Variants in RIN2 observed in about 807,000 individuals in gnomAD.
RIN2 encodes the protein RAB5 interacting protein 2.
In RIN2, 36 loss-of-function variants were observed where a neutral mutation model predicts 78.0. The ratio of observed to expected loss-of-function variants is 0.46; its 90% CI spans 0.35 to 0.61. The LOEUF is 0.61. Ranked by LOEUF, RIN2 falls within the 20% of genes least tolerant of loss-of-function variation. The pLI is 0.00. For missense variants in RIN2, 1,087 were observed against 1,159.7 expected (o/e 0.94, Z 0.91); for synonymous variants, 466 against 466.8 (o/e 1.00, Z 0.02).
chr20:19,930,645 G>T (rs2040405760), intron 3 of RIN2, among the ~76,000 whole-genome samples: 1 of 152,148 alleles, frequency 6.6e-6, no homozygotes, highest in African/African-American at 2.4e-5. Context: ...TCCCTCACAA[G>T]GCCTTCTGCT....
At chr20:19,910,320 G>A (rs2123717388) in intron 3 of RIN2, among the ~76,000 whole-genome samples, 1 of 151,770 alleles carries the variant, frequency 6.6e-6, no homozygotes, top group Admixed American at 6.6e-5. Context: ...CTACAGGCAT[G>A]CGCCACCATG....
intron 11 of RIN2, among the ~76,000 whole-genome samples, chr20:19,995,377 A>G (rs925536748): frequency 6.6e-6 from 1 of 152,116 alleles, no homozygotes; most frequent in Non-Finnish European, 1.5e-5. Flanking sequence ...TAGAGATTCA[A>G]TGAGTATTTT....
chr20:19,882,156 C>G (rs949767292), intron 2 of RIN2, among the ~76,000 whole-genome samples: 1 of 152,186 alleles, frequency 6.6e-6, no homozygotes, highest in Non-Finnish European at 1.5e-5. Flanking sequence ...CCCAGTCACA[C>G]TTGTTATGAT....
At chr20:19,915,694 G>C (rs981669964) in intron 3 of RIN2, among the ~76,000 whole-genome samples, 1 of 152,136 alleles carries the variant, frequency 6.6e-6, no homozygotes, top group Non-Finnish European at 1.5e-5. Context: ...ATCTTCACAA[G>C]ACCGAAAATG....
At chr20:19,838,577 C>A (rs563274838) in intron 2 of RIN2, among the ~76,000 whole-genome samples, 14 of 152,220 alleles carry the variant, frequency 9.2e-5, no homozygotes, top group South Asian at 6.2e-4. Context: ...CTGGGAGGAT[C>A]GTGTGTGGCT....
chr20:19,854,540 T>A (rs1427851998), intron 2 of RIN2, among the ~76,000 whole-genome samples: 1 of 152,208 alleles, frequency 6.6e-6, no homozygotes, highest in Admixed American at 6.6e-5. Flanking sequence ...TTTGTTTGTG[T>A]CCTCTTTTGT....
intron 4 of RIN2, among the ~76,000 whole-genome samples, chr20:19,947,908 A>T (rs765201227): frequency 2.6e-5 from 4 of 152,204 alleles, no homozygotes; most frequent in Admixed American, 6.5e-5. Flanking sequence ...CCAAGAGGAG[A>T]GTTCTCCATA....
At chr20:19,851,539 A>G (rs1004102926) in intron 2 of RIN2, among the ~76,000 whole-genome samples, 2 of 152,128 alleles carry the variant, frequency 1.3e-5, no homozygotes, top group Middle Eastern at 3.2e-3. Flanking sequence ...AGCCTGTGCA[A>G]CATAACGAGA....
Position 19,974,885 on chromosome 20 carries a change from G to T in RIN2, c.860G>T (p.Gly287Val). 1 of 1,613,986 alleles carries T rather than the reference G, an allele frequency of 6.2e-7. No individual in the cohort carries two copies. Among genetic ancestry groups the T allele is most frequent in the Non-Finnish European group, 8.5e-7 (1 of 1,179,880 alleles). Reference sequence around the variant, plus strand: ...GTGCACAGCCAGGACCTCAGTGGAGGCCTGAAACGGCCGAGCACAAGGACT... The same window carrying T: ...GTGCACAGCCAGGACCTCAGTGGAGTCCTGAAACGGCCGAGCACAAGGACT... ...LKVHSQDLSGGLKRPSTRTPN... is the reference protein window; with the variant it reads ...LKVHSQDLSGVLKRPSTRTPN... The change falls in exon 9 of 13, where the codon GGC becomes GTC. Residue 287 changes from glycine (G) to valine (V), a missense_variant. Around this residue, in one of 8 missense-constraint regions of RIN2, gnomAD observed 706 missense variants for 667.5 expected, o/e 1.06. Transcript: ENST00000255006.
In RIN2 at chr20:19,808,879, A is replaced by G. The variant is rs147170647; in HGVS notation, c.-37+9132A>G. Among the ~76,000 whole-genome samples, 427 of 152,242 alleles carry G rather than the reference A, an allele frequency of 2.8e-3. 4 individuals carry two copies. Among genetic ancestry groups the G allele is most frequent in the East Asian group, 0.019 (98 of 5,176 alleles). On this transcript the variant is annotated intron_variant, in intron 2 of 12. Coordinates refer to ENST00000255006, the MANE Select transcript of RIN2 (RefSeq NM_018993.4). ...TTATGGTGGCCTTTATGGTCAGGAGACGACATGCAGTGAAAAGAAGGGCAG... is the reference window on the plus strand; with the variant it reads ...TTATGGTGGCCTTTATGGTCAGGAGGCGACATGCAGTGAAAAGAAGGGCAG...
chr20:19,777,244 A>G (rs1294487844), intron 1 of RIN2, among the ~76,000 whole-genome samples: 1 of 152,180 alleles, frequency 6.6e-6, no homozygotes, highest in African/African-American at 2.4e-5. Flanking sequence ...ATCTCAGGGG[A>G]AGAGACTCCA....
chr20:19,918,353 TTGTGTGTGTGTG>T (rs3059683), intron 3 of RIN2, among the ~76,000 whole-genome samples: 6,397 of 147,210 alleles, frequency 0.043, 321 homozygotes, highest in African/African-American at 0.13. Context: ...TACAAATACA[TTGTGTGTGTGTG>T]TGTGTGTGTG....
At chr20:19,961,841 G>A (rs1001039499) in intron 6 of RIN2, among the ~76,000 whole-genome samples, 8 of 152,052 alleles carry the variant, frequency 5.3e-5, no homozygotes, top group East Asian at 1.9e-4. Flanking sequence ...ACAAGCAGGC[G>A]GAACCCAGCC....
At chr20:19,895,067 C>T (rs2038660122) in intron 3 of RIN2, among the ~76,000 whole-genome samples, 1 of 152,136 alleles carries the variant, frequency 6.6e-6, no homozygotes, top group Non-Finnish European at 1.5e-5. Flanking sequence ...CCCCTCCCCA[C>T]CATCAGCCTC....
At chr20:19,961,664 C>T (rs370992120) in intron 6 of RIN2, among the ~76,000 whole-genome samples, 2 of 152,140 alleles carry the variant, frequency 1.3e-5, no homozygotes, top group African/African-American at 4.8e-5. Flanking sequence ...AGATTCTACT[C>T]AGCCGGGAGG....
intron 2 of RIN2, among the ~76,000 whole-genome samples, chr20:19,876,379 A>G (rs960384408): frequency 1.3e-5 from 2 of 152,190 alleles, no homozygotes; most frequent in Non-Finnish European, 2.9e-5. Context: ...CAATGAGATA[A>G]TAAAGGGGTA....
chr20:19,973,134 T>C (rs1201261693), intron 8 of RIN2, among the ~76,000 whole-genome samples: 1 of 152,232 alleles, frequency 6.6e-6, no homozygotes, highest in Non-Finnish European at 1.5e-5. Context: ...AAAGGTAGAT[T>C]CTCATAACCA....
chr20:19,883,366 G>T (rs1177116698), intron 2 of RIN2, among the ~76,000 whole-genome samples: 1 of 140,864 alleles, frequency 7.1e-6, no homozygotes, highest in Non-Finnish European at 1.5e-5. Flanking sequence ...TTTAGACCTG[G>T]TCTCTCTCTG....
chr20:19,817,376 C>A (rs2035797034), intron 2 of RIN2, among the ~76,000 whole-genome samples: 1 of 152,154 alleles, frequency 6.6e-6, no homozygotes, highest in Non-Finnish European at 1.5e-5. Context: ...ACGGGGCAAA[C>A]AAGCTCACTC....
Sources: gnomAD v4.1 joint callset for allele counts (sites outside exome capture counted in the v4.1 genomes callset) on GRCh38, gnomAD v4.1.1 for gene constraint, gnomAD v4.1.1 regional missense constraint, MANE v1.5 for transcripts, NCBI Gene and HGNC (gene_info 2026-07-23, HGNC 2026-07-21) for gene names.